C4orf51: variants seen among roughly 807,000 people sequenced by gnomAD.
C4orf51 encodes uncharacterized protein C4orf51.
C4orf51 carries 25 observed loss-of-function variants against 25.2 expected under a neutral mutation model. That is an observed-to-expected ratio of 0.99 (90% CI 0.72 to 1.39). The LOEUF (loss-of-function observed/expected upper bound fraction) is 1.39, where lower values mean the gene tolerates loss of function less well. Among genes scored for constraint, C4orf51 ranks in the 40% most tolerant of loss-of-function variants. C4orf51 has a pLI of 0.00. For synonymous variants in C4orf51, 100 were observed against 84.5 expected (o/e 1.18, Z -1.01); for missense variants, 252 against 239.6 (o/e 1.05, Z -0.34).
downstream of C4orf51, among the ~76,000 whole-genome samples, chr4:145,772,079 T>C (rs556404049): frequency 6.6e-6 from 1 of 152,280 alleles, no homozygotes; most frequent in East Asian, 1.9e-4. Context: ...CCAAGTAACT[T>C]CCACATAGAT....
At chr4:145,725,334 G>A (rs1731996305) in intron 2 of C4orf51, among the ~76,000 whole-genome samples, 1 of 152,160 alleles carries the variant, frequency 6.6e-6, no homozygotes, top group Non-Finnish European at 1.5e-5. Flanking sequence ...TTCATTGCTG[G>A]TGGGAATATA....
At chr4:145,714,299 C>A (rs754450336) in intron 2 of C4orf51, among the ~76,000 whole-genome samples, 1 of 152,118 alleles carries the variant, frequency 6.6e-6, no homozygotes, top group Non-Finnish European at 1.5e-5. Flanking sequence ...AAAGAGGTTA[C>A]CATAATGAAG....
intron 2 of C4orf51, among the ~76,000 whole-genome samples, chr4:145,698,610 A>G (rs954512066): frequency 3.3e-5 from 5 of 152,220 alleles, no homozygotes; most frequent in African/African-American, 1.2e-4. Flanking sequence ...GTTTCTTATC[A>G]GATTTAAAGA....
chr4:145,774,002 C>G (rs189033118), downstream of C4orf51, among the ~76,000 whole-genome samples: 20 of 152,274 alleles, frequency 1.3e-4, no homozygotes, highest in African/African-American at 3.8e-4. Flanking sequence ...TCAGTAGTCA[C>G]TGAAACTAGT....
chr4:145,703,432 T>C (rs1057138361), intron 2 of C4orf51, among the ~76,000 whole-genome samples: 13 of 152,148 alleles, frequency 8.5e-5, no homozygotes, highest in Non-Finnish European at 1.2e-4. Context: ...AGCCCACCTG[T>C]ACCCAGGTGA....
At chr4:145,741,491 C>T (rs1201824593) in intron 1 of C4orf51, among the ~76,000 whole-genome samples, 1 of 151,982 alleles carries the variant, frequency 6.6e-6, no homozygotes, top group Non-Finnish European at 1.5e-5. Flanking sequence ...GATGGATGGC[C>T]TACACTTCAA....
chr4:145,732,430 A>G (rs764511159), intron 5 of C4orf51, 23 bp from the exon 6 acceptor site: 4 of 1,535,726 alleles, frequency 2.6e-6, no homozygotes, highest in Non-Finnish European at 3.6e-6. Context: ...GCGAGTGTTG[A>G]CAACCAGGCC....
chr4:145,711,753 A>AT (rs1179085910), intron 2 of C4orf51, among the ~76,000 whole-genome samples: 1 of 151,910 alleles, frequency 6.6e-6, no homozygotes, highest in Admixed American at 6.6e-5. Flanking sequence ...CAGCTCCAGA[A>AT]TTTTTTTTAA....
intron 3 of C4orf51, among the ~76,000 whole-genome samples, chr4:145,727,964 TATA>T (rs1732183079): frequency 1.1e-5 from 1 of 88,852 alleles, no homozygotes; most frequent in Non-Finnish European, 2.3e-5. Flanking sequence ...TAATATAATA[TATA>T]ATATAATATA....
At chr4:145,699,601 C>T (rs1481842182) in intron 2 of C4orf51, among the ~76,000 whole-genome samples, 4 of 152,194 alleles carry the variant, frequency 2.6e-5, no homozygotes, top group Non-Finnish European at 4.4e-5. Flanking sequence ...GCGCCGGTCA[C>T]GGACTGGGAA....
intron 1 of C4orf51, among the ~76,000 whole-genome samples, chr4:145,744,546 G>C (rs903714613): frequency 6.6e-6 from 1 of 151,044 alleles, no homozygotes; most frequent in Admixed American, 6.6e-5. Flanking sequence ...CCTTGGCTGG[G>C]CGCGGTGGCT....
At chr4:145,746,103 A>G (rs1018415300) in intron 1 of C4orf51, among the ~76,000 whole-genome samples, 1 of 152,164 alleles carries the variant, frequency 6.6e-6, no homozygotes, top group Non-Finnish European at 1.5e-5. Flanking sequence ...TGAACTCCTT[A>G]TATATTCTGA....
intron 2 of C4orf51, among the ~76,000 whole-genome samples, chr4:145,697,510 T>G (rs1730151108): frequency 6.6e-6 from 1 of 152,236 alleles, no homozygotes; most frequent in South Asian, 2.1e-4. Context: ...TGACCAAAAA[T>G]TCCCCATTTA....
At chr4:145,721,653 G>T (rs1163482872) in intron 2 of C4orf51, among the ~76,000 whole-genome samples, 1 of 152,228 alleles carries the variant, frequency 6.6e-6, no homozygotes, top group Non-Finnish European at 1.5e-5. Context: ...TCCCTGCAGA[G>T]ACTGGGCACA....
intron 2 of C4orf51, among the ~76,000 whole-genome samples, chr4:145,697,076 A>C (rs1200077961): frequency 3.3e-5 from 5 of 150,062 alleles, no homozygotes; most frequent in African/African-American, 1.2e-4. Context: ...ACAAACAAAC[A>C]AAAACAGACC....
At chr4:145,786,789 T>C in the C4orf51 span, among the ~76,000 whole-genome samples, 1 of 152,212 alleles carries the variant, frequency 6.6e-6, no homozygotes, top group Non-Finnish European at 1.5e-5. Context: ...TTTGTTCCAG[T>C]GCTTGCAGCT....
intron 2 of C4orf51, among the ~76,000 whole-genome samples, chr4:145,708,769 C>A (rs774277910): frequency 2.0e-5 from 3 of 152,230 alleles, no homozygotes; most frequent in African/African-American, 7.2e-5. Flanking sequence ...ATTGTGCCTA[C>A]GGCCTTGGGC....
At chr4:145,773,656 T>C (rs1736616126), downstream of C4orf51, among the ~76,000 whole-genome samples, 1 of 152,234 alleles carries the variant, frequency 6.6e-6, no homozygotes, top group Admixed American at 6.5e-5. Context: ...GTCAGAATGT[T>C]AACATCAATA....
chr4:145,763,988 C>T lies in C4orf51; in HGVS notation n.167-7000C>T, dbSNP rs1045268476. Reference sequence around the variant, plus strand: ...CCCAACCTGCACTGACCCCAACACTCCACTCCCAGGGTCTTTTCCATCTCT... The same window carrying T: ...CCCAACCTGCACTGACCCCAACACTTCACTCCCAGGGTCTTTTCCATCTCT... On this transcript the variant is annotated intron_variant and non_coding_transcript_variant, in intron 1 of 1. Transcript: ENST00000510096. The surrounding 1 kb of genome is among the most constrained non-coding windows in gnomAD (Gnocchi z 4.6). Among the ~76,000 whole-genome samples the T allele has an allele frequency of 6.6e-6, 1 of 152,172 alleles. No homozygotes were observed. The highest frequency in any genetic ancestry group is 1.5e-5 in the Non-Finnish European group (1 of 68,034).
Sources: allele counts gnomAD v4.1 joint callset (sites outside exome capture counted in the v4.1 genomes callset), GRCh38; gene constraint gnomAD v4.1.1; non-coding constraint Gnocchi (gnomAD v3.1); transcripts MANE v1.5; gene names NCBI Gene and HGNC (gene_info 2026-07-23, HGNC 2026-07-21).